NLRP14: variants seen among roughly 807,000 people sequenced by gnomAD.
NLRP14 encodes the protein NLR family pyrin domain containing 14, also known as NACHT, LRR and PYD domains-containing protein 14.
In NLRP14, 105 loss-of-function variants were observed where a neutral mutation model predicts 94.7. The ratio of observed to expected loss-of-function variants is 1.11; its 90% CI spans 0.95 to 1.30. NLRP14 has a LOEUF of 1.30. NLRP14 is among the 50% of genes most tolerant of loss of function. The pLI is 0.00. For missense variants in NLRP14, 1,362 were observed against 1,254.1 expected (o/e 1.09, Z -1.30); for synonymous variants, 508 against 459.9 (o/e 1.10, Z -1.34).
chr11:7,090,621 A>G, the NLRP14 span: 535 of 399,704 alleles, frequency 1.3e-3, 1 homozygote, highest in Non-Finnish European at 2.0e-3. Flanking sequence ...TAAATGAGGC[A>G]AACAGTTCTA....
intron 10 of NLRP14, among the ~76,000 whole-genome samples, chr11:7,063,797 A>C (rs1345698810): frequency 5.3e-5 from 8 of 152,070 alleles, no homozygotes; most frequent in African/African-American, 1.9e-4. Context: ...ATTGATTTCA[A>C]ACATTCCCAC....
the NLRP14 span, among the ~76,000 whole-genome samples, chr11:7,082,305 C>G: frequency 6.6e-6 from 1 of 151,780 alleles, no homozygotes; most frequent in African/African-American, 2.4e-5. Flanking sequence ...TATTTTTTAC[C>G]AACAATGCAA....
intron 1 of NLRP14, among the ~76,000 whole-genome samples, chr11:7,025,619 C>T (rs1175158589): frequency 6.6e-6 from 1 of 152,090 alleles, no homozygotes; most frequent in Non-Finnish European, 1.5e-5. Context: ...ACTCAAGTAA[C>T]AAAATCCAAC....
chr11:7,053,394 G>T (rs533317310), intron 6 of NLRP14, among the ~76,000 whole-genome samples: 1 of 150,474 alleles, frequency 6.6e-6, no homozygotes, highest in East Asian at 1.9e-4. Context: ...CTGATTCCCA[G>T]ATTTACAAGC....
chr11:7,038,645 A>T lies in NLRP14; in HGVS notation c.59A>T (p.Glu20Val). 6.2e-7 allele frequency: 1 copy of T among 1,613,886 alleles called. No homozygotes were observed. Among genetic ancestry groups the T allele is most frequent in the Non-Finnish European group, 8.5e-7 (1 of 1,179,864 alleles). ...FPDFGLLLYL[E>V]ELNKEELNTF... ...GATTTTGGGCTGCTATTGTATTTGG[A>T]GGAGCTAAACAAAGAGGAATTAAAT... The change falls in exon 2 of 12, where the codon GAG (glutamate) becomes GTG (valine). Residue 20 changes from glutamate to valine, a missense_variant. Transcript: ENST00000299481.
downstream of NLRP14, among the ~76,000 whole-genome samples, chr11:7,071,915 A>G (rs1333071821): frequency 6.6e-6 from 1 of 152,152 alleles, no homozygotes; most frequent in Non-Finnish European, 1.5e-5. Flanking sequence ...TACTTCTACA[A>G]TGAATACTTT....
chr11:7,086,708 A>T, the NLRP14 span, among the ~76,000 whole-genome samples: 51 of 152,036 alleles, frequency 3.4e-4, no homozygotes, highest in Admixed American at 1.3e-3. Context: ...CATTTTTTGC[A>T]GAGCAGAGAC....
chr11:7,062,687 C>T (rs1430892776), intron 10 of NLRP14, among the ~76,000 whole-genome samples, 184 bp downstream of exon 10: 1 of 151,986 alleles, frequency 6.6e-6, no homozygotes. Context: ...AGTATAGAAG[C>T]CATATTTCAC....
chr11:7,089,821 C>T, the NLRP14 span: 29 of 1,608,372 alleles, frequency 1.8e-5, no homozygotes, highest in East Asian at 4.5e-5. Flanking sequence ...TTTGCCCCCT[C>T]GCCCGGAGAG....
At chr11:7,059,360 A>C (rs1852574589) in intron 8 of NLRP14, among the ~76,000 whole-genome samples, 1 of 151,852 alleles carries the variant, frequency 6.6e-6, no homozygotes, top group Non-Finnish European at 1.5e-5. Flanking sequence ...TCTTTTAAAA[A>C]AAATACACAT....
In NLRP14 at chr11:7,038,889, G is replaced by C. The variant is rs781601196; in HGVS notation, c.289+14G>C. ...AAGAGATCAACTGTGAGTGATGCTA[G>C]GGGCAAATCGGGGGCTAGGCAGGAA... On this transcript the variant is annotated intron_variant, in intron 2 of 11. Coordinates refer to ENST00000299481, the MANE Select transcript of NLRP14 (RefSeq NM_176822.4). 20 of 1,611,882 alleles carry C rather than the reference G, an allele frequency of 1.2e-5. No individual in the cohort carries two copies. Among genetic ancestry groups the C allele is most frequent in the Non-Finnish European group, 1.6e-5 (19 of 1,179,388 alleles).
Position 7,058,351 on chromosome 11 carries a change from T to C in NLRP14, c.2534T>C (p.Leu845Pro). 1.2e-6 allele frequency: 2 copies of C among 1,612,592 alleles called. No individual in the cohort carries two copies. Among genetic ancestry groups the C allele is most frequent in the South Asian group, 2.2e-5 (2 of 91,052 alleles). The change falls in exon 8 of 12, where the codon CTG (leucine) becomes CCG (proline). Residue 845 changes from leucine (L) to proline (P), a missense_variant. By Grantham distance (98) the Leu-to-Pro change is moderately conservative (BLOSUM62 -3). Transcript: ENST00000299481. The stretch of plus-strand genomic sequence containing the variant: ...TTGGCTCTCATCAGCAATAAAAGAC[T>C]GACACATTTGTGCTTGGCAGACAAT... ...LSLALISNKRLTHLCLADNVL... is the reference protein window; with the variant it reads ...LSLALISNKRPTHLCLADNVL...
chr11:7,085,481 A>C, the NLRP14 span, among the ~76,000 whole-genome samples: 1 of 152,172 alleles, frequency 6.6e-6, no homozygotes, highest in Non-Finnish European at 1.5e-5. Flanking sequence ...ATACAGTATT[A>C]GTCTTTTTGT....
the NLRP14 span, chr11:7,090,341 C>CT: frequency 6.5e-7 from 1 of 1,545,298 alleles, no homozygotes; most frequent in Non-Finnish European, 8.8e-7. Flanking sequence ...TTCAACGAAA[C>CT]TAACAAAAAG....
the NLRP14 span, among the ~76,000 whole-genome samples, chr11:7,082,600 A>G: frequency 6.6e-6 from 1 of 152,148 alleles, no homozygotes; most frequent in South Asian, 2.1e-4. Context: ...GCCTCTTTCA[A>G]GGTGTTAAAG....
At chr11:7,056,340 T>C (rs1324574413) in intron 6 of NLRP14, among the ~76,000 whole-genome samples, 1 of 151,890 alleles carries the variant, frequency 6.6e-6, no homozygotes, top group Non-Finnish European at 1.5e-5. Context: ...AGGTATCTTA[T>C]AAGATTTCAT....
At position 7,042,648 on chromosome 11, in the gene NLRP14, C is replaced by G. The variant is rs750362376; in HGVS notation, c.622C>G (p.Gln208Glu). The change falls in exon 4 of 12, where the codon CAG (glutamine) becomes GAG (glutamate). Residue 208 changes from glutamine to glutamate, a missense_variant. Transcript: ENST00000299481. ...LDWAEGSLYQ[Q>E]RFKYVFYLNG... ...TTGGGCAGAGGGCAGTCTCTACCAG[C>G]AGAGGTTTAAGTATGTTTTTTATCT... is the stretch of plus-strand genomic sequence containing the variant. 3.7e-6 allele frequency: 6 copies of G among 1,614,044 alleles called. No individual in the cohort carries two copies. The highest frequency in any genetic ancestry group is 5.1e-6 in the Non-Finnish European group (6 of 1,180,034).
intron 2 of NLRP14, among the ~76,000 whole-genome samples, 170 bp downstream of exon 2, chr11:7,039,045 G>A (rs187654886): frequency 1.3e-3 from 201 of 152,232 alleles, no homozygotes; most frequent in Non-Finnish European, 2.1e-3. Context: ...GGAAGGAAAG[G>A]CAGAAGCGTT....
At chr11:7,052,155 G>A (rs2220671) in intron 6 of NLRP14, among the ~76,000 whole-genome samples, 143,076 of 152,224 alleles carry the variant, frequency 0.94, 67,894 homozygotes, top group East Asian at 1. Flanking sequence ...TTGTGCCCAG[G>A]ATCTCTTCTT....
Sources: gnomAD v4.1 joint callset for allele counts (sites outside exome capture counted in the v4.1 genomes callset) on GRCh38, gnomAD v4.1.1 for gene constraint, MANE v1.5 for transcripts, NCBI Gene and HGNC (gene_info 2026-07-23, HGNC 2026-07-21) for gene names.